ANO7: variants seen among roughly 807,000 people sequenced by gnomAD.
ANO7 encodes the protein anoctamin 7.
A neutral mutation model predicts 115.8 loss-of-function variants in ANO7; 114 were observed. That is an observed-to-expected ratio of 0.98 (90% CI 0.85 to 1.15). The LOEUF is 1.15. Ranked by LOEUF, ANO7 falls within the 50% of genes most tolerant of loss-of-function variation. The pLI is 0.00. For synonymous variants in ANO7, 550 were observed against 498.2 expected (o/e 1.10, Z -1.38); for missense variants, 1,302 against 1,201.2 (o/e 1.08, Z -1.24).
In ANO7 at chr2:241,201,861, C is replaced by T. The variant is rs562044785; in HGVS notation, c.613-333C>T. Among the ~76,000 whole-genome samples, 13 of 152,296 alleles carry T rather than the reference C, an allele frequency of 8.5e-5. No individual in the cohort carries two copies. In the South Asian group the frequency reaches 1.4e-3, roughly 17 times the overall value. Reference sequence around the variant, plus strand: ...ACAGCTGCCAGGCTGCAGTGTTCACCGTCACCCAGGGTGCAGGTCCAGAGT... The same window carrying T: ...ACAGCTGCCAGGCTGCAGTGTTCACTGTCACCCAGGGTGCAGGTCCAGAGT... On this transcript the variant is annotated intron_variant, in intron 7 of 24. Transcript: ENST00000674324.
downstream of ANO7, among the ~76,000 whole-genome samples, chr2:241,226,886 C>T (rs951487493): frequency 2.0e-5 from 3 of 152,194 alleles, no homozygotes; most frequent in African/African-American, 7.2e-5. Flanking sequence ...CCTCCTCCTC[C>T]TCCAGCCGAG....
chr2:241,235,192 C>T, the ANO7 span: 18 of 1,614,084 alleles, frequency 1.1e-5, no homozygotes, highest in Non-Finnish European at 1.5e-5. Flanking sequence ...TCCAAATTTG[C>T]AGCGAGGCCC....
chr2:241,189,195 G>A (rs11694378), intron 1 of ANO7, among the ~76,000 whole-genome samples: 2 of 145,918 alleles, frequency 1.4e-5, no homozygotes, highest in African/African-American at 4.9e-5. Context: ...GCCTGGGGCC[G>A]GGGCCGAGTC....
intron 9 of ANO7, among the ~76,000 whole-genome samples, 177 bp from the exon 10 acceptor site, chr2:241,204,688 G>A (rs2068549305): frequency 6.6e-6 from 1 of 152,130 alleles, no homozygotes; most frequent in African/African-American, 2.4e-5. Context: ...CCAGGAGGGT[G>A]GGCCGTGCCA....
intron 21 of ANO7, among the ~76,000 whole-genome samples, chr2:241,222,430 C>G (rs187639859): frequency 6.6e-6 from 1 of 151,916 alleles, no homozygotes; most frequent in Admixed American, 6.6e-5. Flanking sequence ...TGCTTCCCCC[C>G]AAGTGTGCTC....
At chr2:241,192,065 A>C (rs998168257) in intron 3 of ANO7, among the ~76,000 whole-genome samples, 2 of 152,232 alleles carry the variant, frequency 1.3e-5, no homozygotes, top group African/African-American at 4.8e-5. Flanking sequence ...GGCCAGGCAC[A>C]GTGGCTCATG....
rs761327457 is a variant in ANO7, at chr2:241,203,404, C to T, written c.795C>T (p.His265=). Reference sequence around the variant, plus strand: ...ACCAGCGCCAAGTCCTTTTCCAGCACTGGGCGCGCTGGGGCAAGTGGAACA... The same window carrying T: ...ACCAGCGCCAAGTCCTTTTCCAGCATTGGGCGCGCTGGGGCAAGTGGAACA... ...RLNQRQVLFQ[H]WARWGKWNKY... The change falls in exon 9 of 25, where the codon CAC becomes CAT. Residue 265 remains histidine, a synonymous_variant. Transcript: ENST00000674324. The surrounding 1 kb of genome is among the most constrained non-coding windows in gnomAD (Gnocchi z 4.8). 1.3e-6 allele frequency: 2 copies of T among 1,597,594 alleles called. No homozygotes were observed. The highest frequency in any genetic ancestry group is 3.4e-5 in the Admixed American group (2 of 58,580).
chr2:241,233,722 T>G, the ANO7 span: 1 of 1,395,240 alleles, frequency 7.2e-7, no homozygotes, highest in Non-Finnish European at 1.0e-6. The surrounding 1 kb of genome is among the most constrained non-coding windows in gnomAD (Gnocchi z 4.3). Context: ...AACTTGGCCC[T>G]CGAACCCCCA....
chr2:241,215,749 C>G (rs772198867), intron 18 of ANO7, among the ~76,000 whole-genome samples: 1 of 152,238 alleles, frequency 6.6e-6, no homozygotes, highest in African/African-American at 2.4e-5. Flanking sequence ...ACACCACAGT[C>G]GTCCTCGTCC....
At chr2:241,220,334 C>T (rs2068979819) in intron 21 of ANO7, among the ~76,000 whole-genome samples, 1 of 152,122 alleles carries the variant, frequency 6.6e-6, no homozygotes, top group Non-Finnish European at 1.5e-5. Flanking sequence ...GAGTTATTTT[C>T]TCTCAGTTCT....
chr2:241,204,110 C>T (rs555752649), intron 9 of ANO7, among the ~76,000 whole-genome samples: 9 of 152,294 alleles, frequency 5.9e-5, no homozygotes, highest in Admixed American at 2.6e-4. Flanking sequence ...GAAGGGCAGC[C>T]GGGGCACAGC....
Position 241,212,587 on chromosome 2 carries a change from A to G in ANO7, c.1689A>G (p.Pro563=), listed in dbSNP as rs140183421. 3.7e-6 allele frequency: 6 copies of G among 1,613,452 alleles called. No individual in the cohort carries two copies. The African/African-American group carries it at 6.7e-5, about 18-fold the overall frequency. The part of the protein sequence containing the change: ...AFFKGRFVGY[P]GNYHTLFGVR... ...TTTCTCCTAGGTTTGTGGGATACCCAGGCAACTACCACACCTTGTTTGGAG... is the reference window on the plus strand; with the variant it reads ...TTTCTCCTAGGTTTGTGGGATACCCGGGCAACTACCACACCTTGTTTGGAG... Residue 563 remains proline, a synonymous_variant, in exon 17 of 25, where the codon CCA becomes CCG. Coordinates refer to ENST00000674324, the MANE Select transcript of ANO7 (RefSeq NM_001370694.2).
At chr2:241,237,984 TGCAG>T in the ANO7 span, among the ~76,000 whole-genome samples, 1 of 152,258 alleles carries the variant, frequency 6.6e-6, no homozygotes. Context: ...CTCAGCAGGC[TGCAG>T]GGCCACCTGC....
At chr2:241,222,104 C>T (rs1363328362) in intron 21 of ANO7, among the ~76,000 whole-genome samples, 2 of 151,962 alleles carry the variant, frequency 1.3e-5, no homozygotes, top group South Asian at 4.2e-4. Context: ...CATTGTGGCA[C>T]GGGCCTGTAG....
Position 241,224,227 on chromosome 2 carries a change from T to G in ANO7, c.*74T>G. 6.6e-7 allele frequency: 1 copy of G among 1,524,526 alleles called. No homozygotes were observed. The highest frequency in any genetic ancestry group is 9.0e-7 in the Non-Finnish European group (1 of 1,106,576). 94.4% of individuals were successfully genotyped at this position (1,524,526 alleles called of 1,614,324 possible). A position where few individuals can be genotyped will look rare whatever the true frequency, so the allele number is the denominator to read the frequency against. On this transcript the variant is annotated 3_prime_UTR_variant, in exon 25 of 25. Transcript: ENST00000674324. ...CCCTGCGAGCAGCGTCCTTTTCCTC[T>G]TCCCTCAGGCAGCGGCTGTGTGAAC...
chr2:241,226,118 C>T (rs1350326819), downstream of ANO7, among the ~76,000 whole-genome samples: 1 of 152,000 alleles, frequency 6.6e-6, no homozygotes, highest in African/African-American at 2.4e-5. Flanking sequence ...CCCACGTGCG[C>T]CCTACCCTGT....
chr2:241,235,759 A>G, the ANO7 span: 1 of 582,908 alleles, frequency 1.7e-6, no homozygotes, highest in Non-Finnish European at 3.1e-6. Context: ...AGAAAAGAAT[A>G]GGAAAAGATT....
downstream of ANO7, chr2:241,230,965 C>T: frequency 1.2e-6 from 2 of 1,605,818 alleles, no homozygotes; most frequent in Non-Finnish European, 1.7e-6. The surrounding 1 kb of genome is among the most constrained non-coding windows in gnomAD (Gnocchi z 5.0). Context: ...AGAATGTAGT[C>T]AGAAAAGGGG....
chr2:241,234,661 C>G, the ANO7 span, among the ~76,000 whole-genome samples: 6 of 152,204 alleles, frequency 3.9e-5, no homozygotes, highest in Admixed American at 3.3e-4. Context: ...TGCAGCGCTC[C>G]GCTCATACAA....
Sources: allele counts gnomAD v4.1 joint callset (sites outside exome capture counted in the v4.1 genomes callset), GRCh38; gene constraint gnomAD v4.1.1; non-coding constraint Gnocchi (gnomAD v3.1); transcripts MANE v1.5; gene names NCBI Gene and HGNC (gene_info 2026-07-23, HGNC 2026-07-21).